The following AGBL4 variants were observed in gnomAD, a reference collection of about 807,000 sequenced individuals.
AGBL4 encodes cytosolic carboxypeptidase 6.
In AGBL4, 58 loss-of-function variants were observed where a neutral mutation model predicts 66.4. The observed-to-expected ratio is 0.87, with a 90% CI of 0.71 to 1.09. The LOEUF (loss-of-function observed/expected upper bound fraction) is 1.09. Ranked by LOEUF, AGBL4 falls within the 50% of genes least tolerant of loss-of-function variation. The probability of loss-of-function intolerance (pLI) is 0.00; values close to 1 mark genes in which losing one functional copy is unlikely to be tolerated. For synonymous variants in AGBL4, 234 were observed against 222.9 expected (o/e 1.05, Z -0.44); for missense variants, 579 against 631.0 (o/e 0.92, Z 0.88).
intron 1 of AGBL4, among the ~76,000 whole-genome samples, chr1:49,963,302 A>C (rs1439574041): frequency 1.3e-5 from 2 of 152,160 alleles, no homozygotes; most frequent in African/African-American, 4.8e-5. Context: ...GCAGTCATGT[A>C]ATAAAGTCAA....
chr1:48,821,709 T>C (rs1213677577), intron 6 of AGBL4, among the ~76,000 whole-genome samples: 2 of 152,136 alleles, frequency 1.3e-5, no homozygotes, highest in African/African-American at 4.8e-5. Context: ...AATATATCCA[T>C]GTAACAAAAC....
At chr1:49,425,339 T>C (rs1645633494) in intron 3 of AGBL4, among the ~76,000 whole-genome samples, 1 of 152,044 alleles carries the variant, frequency 6.6e-6, no homozygotes. Flanking sequence ...TGTGACAGAA[T>C]CATAGTCATA....
chr1:49,936,129 C>T (rs760767659), intron 1 of AGBL4, among the ~76,000 whole-genome samples: 9 of 152,036 alleles, frequency 5.9e-5, no homozygotes, highest in African/African-American at 9.7e-5. Flanking sequence ...AACCAATATA[C>T]AGAAGTGCTT....
At chr1:49,484,103 G>C (rs988708023) in intron 3 of AGBL4, among the ~76,000 whole-genome samples, 8 of 152,008 alleles carry the variant, frequency 5.3e-5, no homozygotes, top group Admixed American at 5.2e-4. Flanking sequence ...AATAACAAAT[G>C]CAAGTGAGGA....
intron 1 of AGBL4, among the ~76,000 whole-genome samples, chr1:49,878,527 G>C (rs559662136): frequency 6.6e-6 from 1 of 152,228 alleles, no homozygotes; most frequent in African/African-American, 2.4e-5. Context: ...CTGAGAGATA[G>C]TTTGTTATAA....
rs150654570 is a variant in AGBL4 at position 48,550,665 on chromosome 1, A to G, written c.1268-10927T>C. On this transcript the variant is annotated intron_variant, in intron 11 of 13. Transcript: ENST00000371839. ...CCTATTCCACACTGCCTGAGATTTC[A>G]TCTGCTTAGCTAAGAGCTGGCAGAT... Among the ~76,000 whole-genome samples, 730 of 152,242 alleles carry G rather than the reference A, an allele frequency of 4.8e-3. 5 individuals are homozygous for G. The highest frequency in any genetic ancestry group is 0.016 in the African/African-American group (675 of 41,528).
intron 11 of AGBL4, among the ~76,000 whole-genome samples, chr1:48,554,391 G>A (rs1408462425): frequency 6.6e-6 from 1 of 152,094 alleles, no homozygotes; most frequent in Non-Finnish European, 1.5e-5. Flanking sequence ...AAGAGGAATT[G>A]GCTTGCTTCA....
intron 5 of AGBL4, among the ~76,000 whole-genome samples, chr1:48,926,586 C>T (rs1314488159): frequency 1.3e-5 from 2 of 151,924 alleles, no homozygotes; most frequent in African/African-American, 2.4e-5. Context: ...GTCACACCGG[C>T]CAACCATGGA....
intron 6 of AGBL4, among the ~76,000 whole-genome samples, chr1:48,752,767 T>C (rs1040645258): frequency 6.6e-6 from 1 of 152,184 alleles, no homozygotes; most frequent in Non-Finnish European, 1.5e-5. Flanking sequence ...TCCTTTTTTT[T>C]TTGGACAGAG....
intron 6 of AGBL4, among the ~76,000 whole-genome samples, chr1:48,737,862 C>G (rs1649314616): frequency 6.6e-6 from 1 of 152,076 alleles, no homozygotes. Flanking sequence ...GACGAAATGG[C>G]CTCTGTGGGG....
intron 3 of AGBL4, among the ~76,000 whole-genome samples, chr1:49,395,733 G>A (rs906314364): frequency 5.1e-5 from 7 of 136,684 alleles, no homozygotes; most frequent in Non-Finnish European, 9.3e-5. Context: ...CAAAATGTGT[G>A]TATATATATA....
intron 4 of AGBL4, among the ~76,000 whole-genome samples, chr1:49,219,628 G>T (rs1396727020): frequency 6.6e-6 from 1 of 152,140 alleles, no homozygotes; most frequent in East Asian, 1.9e-4. Context: ...ATATAGCAAT[G>T]TCCAGAATCC....
rs142775596 is a variant in AGBL4, at chr1:49,191,623, C to T, written c.377+54147G>A. The stretch of plus-strand genomic sequence containing the variant: ...ACTCTTGCCTCCTCACACCTTTGTC[C>T]CTCTAGTAGTCCCCAGTATCTGCTG... On this transcript the variant is annotated intron_variant, in intron 4 of 13. Transcript: ENST00000371839. 3.9e-5 allele frequency among the ~76,000 whole-genome samples: 6 copies of T among 152,214 alleles called. No homozygotes were observed. In the East Asian group the frequency reaches 1.2e-3, roughly 29 times the overall value.
chr1:49,399,027 T>C (rs931727798), intron 3 of AGBL4, among the ~76,000 whole-genome samples: 1 of 152,130 alleles, frequency 6.6e-6, no homozygotes, highest in African/African-American at 2.4e-5. Flanking sequence ...TAACCATCCT[T>C]CTACTCTCTA....
At chr1:49,102,532 CT>C (rs940151856) in intron 4 of AGBL4, among the ~76,000 whole-genome samples, 1 of 152,090 alleles carries the variant, frequency 6.6e-6, no homozygotes. Flanking sequence ...TCTGGACTCA[CT>C]ATTATAAAAT....
chr1:49,773,105 G>A (rs1262367449), intron 2 of AGBL4, among the ~76,000 whole-genome samples: 5 of 151,704 alleles, frequency 3.3e-5, no homozygotes, highest in African/African-American at 1.2e-4. Context: ...CTTCTGTTTC[G>A]GCTAGTACAT....
At chr1:48,721,973 T>C (rs1314902299) in intron 6 of AGBL4, among the ~76,000 whole-genome samples, 1 of 152,118 alleles carries the variant, frequency 6.6e-6, no homozygotes, top group East Asian at 1.9e-4. Flanking sequence ...CTAAAGTGGA[T>C]GGTGAATGGA....
chr1:48,932,169 A>G (rs1655090028), intron 5 of AGBL4, among the ~76,000 whole-genome samples: 1 of 152,168 alleles, frequency 6.6e-6, no homozygotes, highest in Non-Finnish European at 1.5e-5. Flanking sequence ...CAGGGCAGAG[A>G]TGAAACAGAG....
chr1:49,925,422 T>C (rs1183833387), intron 1 of AGBL4, among the ~76,000 whole-genome samples: 2 of 152,068 alleles, frequency 1.3e-5, no homozygotes, highest in Admixed American at 6.5e-5. Flanking sequence ...TCTTGAGTGA[T>C]AGTATGAGAC....
Sources: gnomAD v4.1 joint callset for allele counts (sites outside exome capture counted in the v4.1 genomes callset) on GRCh38, gnomAD v4.1.1 for gene constraint, MANE v1.5 for transcripts, NCBI Gene and HGNC (gene_info 2026-07-23, HGNC 2026-07-21) for gene names.